The following EDA variants were observed in gnomAD, a reference collection of about 807,000 sequenced individuals.
EDA encodes ectodysplasin A.
Under a neutral mutation model 23.6 loss-of-function variants are expected in EDA, and 2 were observed. The ratio of observed to expected loss-of-function variants is 0.08; its 90% CI spans 0.03 to 0.27. The LOEUF (loss-of-function observed/expected upper bound fraction) is 0.27, where lower values mean the gene tolerates loss of function less well. EDA is among the 10% of genes least tolerant of loss of function. The pLI, the probability that EDA is intolerant of heterozygous loss-of-function variation, is 1.00. For synonymous variants in EDA, 131 were observed against 132.0 expected (o/e 0.99, Z 0.05); for missense variants, 229 against 324.2 (o/e 0.71, Z 2.26).
intron 1 of EDA, among the ~76,000 whole-genome samples, chrX:69,803,138 A>T (rs1163305376): frequency 1.8e-5 from 2 of 111,321 alleles, no homozygotes; most frequent in Non-Finnish European, 3.8e-5. Flanking sequence ...GATTTTTTAG[A>T]TGTATCCATA....
At chrX:69,758,568 T>G (rs2014197578) in intron 1 of EDA, among the ~76,000 whole-genome samples, 1 of 112,553 alleles carries the variant, frequency 8.9e-6, no homozygotes, top group Non-Finnish European at 1.9e-5. Flanking sequence ...GCGTGGTGGC[T>G]CACGCCTGTA....
intron 1 of EDA, among the ~76,000 whole-genome samples, chrX:69,954,483 A>T (rs1363696613): frequency 9.0e-6 from 1 of 111,033 alleles, no homozygotes; most frequent in Admixed American, 9.6e-5. Flanking sequence ...TAATTAAAAA[A>T]CCCTCAAACC....
At chrX:69,636,299 C>T (rs1932772870) in intron 1 of EDA, among the ~76,000 whole-genome samples, 1 of 110,099 alleles carries the variant, frequency 9.1e-6, no homozygotes, top group Non-Finnish European at 1.9e-5. Flanking sequence ...ACTCCCACTC[C>T]ACCTTCCAGC....
intron 1 of EDA, among the ~76,000 whole-genome samples, chrX:69,685,804 GTGATA>G (rs1934521251): frequency 8.9e-6 from 1 of 112,083 alleles, no homozygotes; most frequent in African/African-American, 3.2e-5. Context: ...TCAGAAGGAT[GTGATA>G]TGTTATATAA....
chrX:69,750,066 G>A (rs971385721), intron 1 of EDA, among the ~76,000 whole-genome samples: 3 of 105,106 alleles, frequency 2.9e-5, no homozygotes, highest in Admixed American at 2.1e-4. Context: ...TGTGTACAAC[G>A]TGCAGGTTTG....
chrX:69,689,552 G>T (rs1386748800), intron 1 of EDA, among the ~76,000 whole-genome samples: 2 of 110,307 alleles, frequency 1.8e-5, no homozygotes, highest in African/African-American at 3.3e-5. Context: ...AGCCAGGCTG[G>T]TCTCGAACTC....
At chrX:69,760,725 A>G (rs1479400522) in intron 1 of EDA, among the ~76,000 whole-genome samples, 1 of 112,093 alleles carries the variant, frequency 8.9e-6, no homozygotes, top group Non-Finnish European at 1.9e-5. Flanking sequence ...TAGTACACCG[A>G]GTATACAGCA....
chrX:69,923,255 C>T (rs2018462366), intron 1 of EDA, among the ~76,000 whole-genome samples: 1 of 110,761 alleles, frequency 9.0e-6, no homozygotes. Context: ...TGGTTTGCTG[C>T]ACCTATTGAC....
chrX:69,973,035 C>T (rs1210471867), intron 2 of EDA, among the ~76,000 whole-genome samples: 1 of 111,845 alleles, frequency 8.9e-6, no homozygotes, highest in Non-Finnish European at 1.9e-5. Flanking sequence ...AGCCCTAACT[C>T]CTAGAGGTTG....
At chrX:69,666,134 T>G (rs1208383993) in intron 1 of EDA, among the ~76,000 whole-genome samples, 2 of 112,498 alleles carry the variant, frequency 1.8e-5, no homozygotes, top group African/African-American at 6.4e-5. Context: ...TGTTACTTTT[T>G]TTGTATGTTG....
At chrX:69,982,904 A>G (rs1208696596) in intron 2 of EDA, among the ~76,000 whole-genome samples, 1 of 54,038 alleles carries the variant, frequency 1.9e-5, no homozygotes, top group Non-Finnish European at 3.4e-5. Context: ...GTCTCTTTGT[A>G]GGTCACTCAG....
At chrX:69,696,585 C>G (rs750603062) in intron 1 of EDA, among the ~76,000 whole-genome samples, 14 of 111,757 alleles carry the variant, frequency 1.3e-4, no homozygotes, top group Non-Finnish European at 1.5e-4. Flanking sequence ...TCTTACTTTA[C>G]TCACGTACAA....
intron 1 of EDA, among the ~76,000 whole-genome samples, chrX:69,706,052 T>C (rs560334089): frequency 8.9e-6 from 1 of 112,421 alleles, no homozygotes; most frequent in African/African-American, 3.2e-5. Context: ...GTCCTGCCTT[T>C]CTTCCGGTGC....
At chrX:70,033,637 T>A in intron 7 of EDA, 109 bp downstream of exon 7, 1 of 957,203 alleles carries the variant, frequency 1.0e-6, no homozygotes, top group Non-Finnish European at 1.5e-6. Context: ...GCTAACTTCC[T>A]GCTTTGGGTG....
intron 1 of EDA, among the ~76,000 whole-genome samples, chrX:69,682,507 G>A (rs748990183): frequency 7.7e-4 from 87 of 112,303 alleles, no homozygotes; most frequent in African/African-American, 2.7e-3. Context: ...AGCCAGGTGT[G>A]GGATATAATC....
At chrX:70,018,554 T>C (rs1023266974) in intron 2 of EDA, among the ~76,000 whole-genome samples, 3 of 111,830 alleles carry the variant, frequency 2.7e-5, no homozygotes, top group African/African-American at 6.5e-5. Context: ...ATCTGATCTT[T>C]GACAAAATTA....
chrX:69,656,049 C>T (rs1933311297), intron 1 of EDA, among the ~76,000 whole-genome samples: 1 of 108,736 alleles, frequency 9.2e-6, no homozygotes, highest in Non-Finnish European at 1.9e-5. Context: ...TTCTCAAGCT[C>T]ACCATTTGTC....
intron 1 of EDA, among the ~76,000 whole-genome samples, chrX:69,936,711 A>C (rs1246221474): frequency 9.0e-6 from 1 of 111,730 alleles, no homozygotes; most frequent in Non-Finnish European, 1.9e-5. Context: ...ATGGTCCACA[A>C]TCTCAAATAG....
In EDA at chrX:69,860,392, C is replaced by T. The variant is rs138381739; in HGVS notation, c.397-96635C>T. On this transcript the variant is annotated intron_variant, in intron 1 of 7. Transcript: ENST00000374552. ...GTCTTTCCTTTCCATATTTAGTGCT[C>T]CCTTCAGGAGCTCTTGTAAGGCAGG... is the stretch of plus-strand genomic sequence containing the variant. Among the ~76,000 whole-genome samples, 87 of 111,518 alleles carry T rather than the reference C, an allele frequency of 7.8e-4. No homozygotes were observed. In the East Asian group the frequency reaches 0.023, roughly 30 times the overall value.
Sources: allele counts gnomAD v4.1 joint callset (sites outside exome capture counted in the v4.1 genomes callset), GRCh38; gene constraint gnomAD v4.1.1; transcripts MANE v1.5; gene names NCBI Gene and HGNC (gene_info 2026-07-23, HGNC 2026-07-21).